The following DSG2 variants were observed in gnomAD, a reference collection of about 807,000 sequenced individuals.
The protein encoded by DSG2 is desmoglein 2.
Under a neutral mutation model 75.6 loss-of-function variants are expected in DSG2, and 45 were observed. That is an observed-to-expected ratio of 0.60 (90% CI 0.47 to 0.76). The LOEUF is 0.76. Ranked by LOEUF, DSG2 falls within the 30% of genes least tolerant of loss-of-function variation. The pLI, the probability that DSG2 is intolerant of heterozygous loss-of-function variation, is 0.00. For synonymous variants in DSG2, 429 were observed against 483.9 expected (o/e 0.89, Z 1.49); for missense variants, 1,267 against 1,357.4 (o/e 0.93, Z 1.05).
rs538462380 is a variant in DSG2 at position 31,548,600 on chromosome 18, T to C, written c.*1857T>C. On this transcript the variant is annotated 3_prime_UTR_variant, in exon 15 of 15. Coordinates refer to ENST00000261590, the MANE Select transcript of DSG2 (RefSeq NM_001943.5). Reference sequence around the variant, plus strand: ...ACTATCAGTTTTATTTTGCCAAGTATGCAACAGGTATATCACTAGTATATG... The same window carrying C: ...ACTATCAGTTTTATTTTGCCAAGTACGCAACAGGTATATCACTAGTATATG... 6.6e-6 allele frequency: 1 copy of C among 152,328 alleles called. No homozygotes were observed. The highest frequency in any genetic ancestry group is 1.9e-4 in the East Asian group (1 of 5,186). 9.4% of individuals were successfully genotyped at this position (152,328 alleles called of 1,614,324 possible). A position where few individuals can be genotyped will look rare whatever the true frequency, so the allele number is the denominator to read the frequency against.
Position 31,498,202 on chromosome 18 carries a change from AGGCGGCGGCGCGGAGCGGTGC to A in DSG2, c.-41_-21del, listed in dbSNP as rs786204286. The A allele has an allele frequency of 5.7e-6, 7 of 1,232,216 alleles. No homozygotes were observed. In the South Asian group the frequency reaches 2.4e-4, roughly 43 times the overall value. 76.3% of individuals were successfully genotyped at this position (1,232,216 alleles called of 1,614,324 possible). A position where few individuals can be genotyped will look rare whatever the true frequency, so the allele number is the denominator to read the frequency against. The stretch of plus-strand genomic sequence containing the variant: ...GAGGAGCCGAGTGCGCGCTCGGGGC[AGGCGGCGGCGCGGAGCGGTGC>A]GGCGGCGGGAGGCGGAGGCGAGGGT... On this transcript the variant is annotated 5_prime_UTR_variant, in exon 1 of 15. Coordinates refer to ENST00000261590, the MANE Select transcript of DSG2 (RefSeq NM_001943.5).
intron 1 of DSG2, among the ~76,000 whole-genome samples, chr18:31,499,357 CGTGT>C (rs34693299): frequency 0.42 from 62,241 of 149,670 alleles, 13,529 homozygotes; most frequent in African/African-American, 0.57. Flanking sequence ...GGAAGAAAAT[CGTGT>C]GTGTGTGTGT....
At position 31,542,730 on chromosome 18, in the gene DSG2, G is replaced by A. The variant is rs397516705; in HGVS notation, c.2212G>A (p.Ala738Thr). The A allele has an allele frequency of 1.3e-5, 21 of 1,614,058 alleles. No individual in the cohort carries two copies. Among genetic ancestry groups the A allele is most frequent in the South Asian group, 3.3e-5 (3 of 91,084 alleles). The change falls in exon 14 of 15, where the codon GCT (alanine) becomes ACT (threonine). Residue 738 changes from alanine (A) to threonine (T), a missense_variant. Transcript: ENST00000261590. ...RATQFTGATGAIMTTETTKTA... is the reference protein window; with the variant it reads ...RATQFTGATGTIMTTETTKTA... Reference sequence around the variant, plus strand: ...TACCCAGTTTACAGGGGCCACAGGCGCTATCATGACCACTGAAACCACGAA... The same window carrying A: ...TACCCAGTTTACAGGGGCCACAGGCACTATCATGACCACTGAAACCACGAA...
chr18:31,544,885 G>GGGCTT (rs2073294427), intron 14 of DSG2, among the ~76,000 whole-genome samples: 1 of 152,046 alleles, frequency 6.6e-6, no homozygotes, highest in African/African-American at 2.4e-5. Context: ...GTAAGGGGAG[G>GGGCTT]GGCTTCCATT....
At chr18:31,522,639 G>C (rs1487715692) in intron 6 of DSG2, 7 of 172,148 alleles carry the variant, frequency 4.1e-5, no homozygotes, top group Non-Finnish European at 8.8e-5. Context: ...TTAAAATGTG[G>C]CTACTAGAAG....
intron 1 of DSG2, among the ~76,000 whole-genome samples, chr18:31,505,197 A>G (rs530798511): frequency 1.2e-3 from 182 of 152,246 alleles, no homozygotes; most frequent in African/African-American, 3.8e-3. Flanking sequence ...AAACTGCACT[A>G]CTTCTCATTT....
At chr18:31,514,968 C>G (rs1332535846) in intron 1 of DSG2, among the ~76,000 whole-genome samples, 1 of 152,132 alleles carries the variant, frequency 6.6e-6, no homozygotes, top group Non-Finnish European at 1.5e-5. Flanking sequence ...GTAAATTATA[C>G]CCTCTTGCTA....
At chr18:31,521,849 C>T (rs1290705504) in intron 5 of DSG2, among the ~76,000 whole-genome samples, 1 of 152,148 alleles carries the variant, frequency 6.6e-6, no homozygotes, top group African/African-American at 2.4e-5. Flanking sequence ...TGCCCTTATA[C>T]AGCAATTTTT....
chr18:31,507,099 G>A (rs536487235), intron 1 of DSG2, among the ~76,000 whole-genome samples: 99 of 152,088 alleles, frequency 6.5e-4, no homozygotes, highest in African/African-American at 2.3e-3. Flanking sequence ...TCAACAGGCC[G>A]CAGTGTGTGA....
chr18:31,534,486 C>T (rs1455951203), intron 9 of DSG2, among the ~76,000 whole-genome samples: 1 of 148,434 alleles, frequency 6.7e-6, no homozygotes, highest in Non-Finnish European at 1.5e-5. Flanking sequence ...TTTGTAGATG[C>T]TTCCGTTTAA....
chr18:31,543,406 C>CAATCT (rs2073283041), intron 14 of DSG2: 1 of 152,468 alleles, frequency 6.6e-6, no homozygotes, highest in African/African-American at 2.4e-5. Context: ...CTAAAAAACA[C>CAATCT]AATCTATTAA....
chr18:31,542,512 T>C lies in DSG2; in HGVS notation c.2002-8T>C, dbSNP rs752500188. On this transcript the variant is annotated splice_polypyrimidine_tract_variant and splice_region_variant and intron_variant, in intron 13 of 14. Coordinates refer to ENST00000261590, the MANE Select transcript of DSG2 (RefSeq NM_001943.5). The stretch of plus-strand genomic sequence containing the variant: ...TGACTCAGTTCTCAGCTGTGTTTGC[T>C]CTCACAGGTGGTGCCATCATTTCTG... The C allele has an allele frequency of 5.0e-6, 8 of 1,613,638 alleles. No homozygotes were observed. Among genetic ancestry groups the C allele is most frequent in the South Asian group, 2.2e-5 (2 of 91,050 alleles).
rs2073317600 is a variant in DSG2, at chr18:31,547,013, C to T, written c.*270C>T. On this transcript the variant is annotated 3_prime_UTR_variant, in exon 15 of 15. Transcript: ENST00000261590. ...AGCTATGCAAACAATCCTGATAAAA[C>T]AAGATACATAGAGAGTCAATCTGGC... 1.9e-6 allele frequency: 1 copy of T among 514,602 alleles called. No homozygotes were observed. The highest frequency in any genetic ancestry group is 3.0e-5 in the Admixed American group (1 of 32,788). The allele number at this position is 514,602 out of a possible 1,614,324, so 31.9% of individuals were successfully genotyped here. A position where few individuals can be genotyped will look rare whatever the true frequency, so the allele number is the denominator to read the frequency against.
At chr18:31,500,036 T>TAAAAAAA (rs10625787) in intron 1 of DSG2, among the ~76,000 whole-genome samples, 1 of 110,996 alleles carries the variant, frequency 9.0e-6, no homozygotes, top group Non-Finnish European at 1.8e-5. Flanking sequence ...AGTTTTTTGG[T>TAAAAAAA]AAAAAAAAAA....
chr18:31,548,525 T>G lies in DSG2; in HGVS notation c.*1782T>G, dbSNP rs527949747. ...TTAAATGGAGGTTACTCTTCCATCA[T>G]CTAGAATTGTTTACTTAGTAATTGT... On this transcript the variant is annotated 3_prime_UTR_variant, in exon 15 of 15. Transcript: ENST00000261590. 6.6e-6 allele frequency: 1 copy of G among 152,344 alleles called. No homozygotes were observed. Among genetic ancestry groups the G allele is most frequent in the Middle Eastern group, 3.4e-3 (1 of 294 alleles). 9.4% of individuals were successfully genotyped at this position (152,344 alleles called of 1,614,324 possible).
At position 31,542,378 on chromosome 18, in the gene DSG2, C is replaced by G. The variant is rs868773117; in HGVS notation, c.2002-142C>G. The G allele has an allele frequency of 2.7e-5, 22 of 807,542 alleles. 1 individual carries two copies. The South Asian group carries it at 2.8e-4, about 10-fold the overall frequency. The allele number at this position is 807,542 out of a possible 1,614,324, so 50.0% of individuals were successfully genotyped here. A position where few individuals can be genotyped will look rare whatever the true frequency, so the allele number is the denominator to read the frequency against. The stretch of plus-strand genomic sequence containing the variant: ...CTTCATAAGACTTACATAAGTTATT[C>G]AACTCAAAATACTTTTTCTAACTGG... On this transcript the variant is annotated intron_variant, in intron 13 of 14. Coordinates refer to ENST00000261590, the MANE Select transcript of DSG2 (RefSeq NM_001943.5).
chr18:31,540,936 C>T (rs1012115324), intron 12 of DSG2, among the ~76,000 whole-genome samples: 4 of 152,130 alleles, frequency 2.6e-5, no homozygotes, highest in African/African-American at 4.8e-5. Flanking sequence ...GTATTCCACT[C>T]AGCAGCCACA....
At chr18:31,515,822 A>C (rs2704051) in intron 1 of DSG2, among the ~76,000 whole-genome samples, 73,935 of 152,072 alleles carry the variant, frequency 0.49, 18,411 homozygotes, top group African/African-American at 0.59. Context: ...AAGAGGCTGA[A>C]AGATTCACTT....
At chr18:31,521,298 C>T in intron 5 of DSG2, 55 bp downstream of exon 5, 1 of 1,500,170 alleles carries the variant, frequency 6.7e-7, no homozygotes, top group Non-Finnish European at 9.1e-7. Flanking sequence ...TACTTTATCC[C>T]CACTGTAAAT....
Sources: gnomAD v4.1 joint callset for allele counts (sites outside exome capture counted in the v4.1 genomes callset) on GRCh38, gnomAD v4.1.1 for gene constraint, MANE v1.5 for transcripts, NCBI Gene and HGNC (gene_info 2026-07-23, HGNC 2026-07-21) for gene names.